ITPKA: variants seen among roughly 807,000 people sequenced by gnomAD.
The protein encoded by ITPKA is inositol-trisphosphate 3-kinase A.
In ITPKA, 16 loss-of-function variants were observed where a neutral mutation model predicts 40.7. That is an observed-to-expected ratio of 0.39 (90% CI 0.27 to 0.60). ITPKA has a LOEUF of 0.60. ITPKA is among the 20% of genes least tolerant of loss of function. The pLI, the probability that ITPKA is intolerant of heterozygous loss-of-function variation, is 0.50. For missense variants in ITPKA, 540 were observed against 649.3 expected, an observed-to-expected ratio of 0.83 and a Z score of 1.83; for synonymous variants, 313 against 289.9, an observed-to-expected ratio of 1.08 and a Z score of -0.81.
In ITPKA at chr15:41,503,136, T is replaced by G. The variant is rs771734285; in HGVS notation, c.1356T>G (p.Ile452Met). The G allele has an allele frequency of 6.3e-7, 1 of 1,592,668 alleles. No individual in the cohort carries two copies. The highest frequency in any genetic ancestry group is 1.1e-5 in the South Asian group (1 of 90,332). ...DGYLLGLDNL[I>M]GILASLAER is the part of the protein sequence containing the mutation. ...ATTTGCTGGGGCTGGACAATCTCAT[T>G]GGCATCCTGGCCAGCCTGGCTGAGA... Residue 452 changes from isoleucine to methionine, a missense_variant, in exon 7 of 7, where the codon ATT (isoleucine) becomes ATG (methionine). Coordinates refer to ENST00000260386, the MANE Select transcript of ITPKA (RefSeq NM_002220.3).
At chr15:41,495,078 G>A (rs1482903932) in intron 1 of ITPKA, among the ~76,000 whole-genome samples, 8 of 152,216 alleles carry the variant, frequency 5.3e-5, no homozygotes, top group Admixed American at 5.2e-4. Context: ...AACTGAGGCT[G>A]CAAGGGGGCA....
chr15:41,501,860 G>T lies in ITPKA; in HGVS notation c.803+9G>T, dbSNP rs1430967974. The T allele has an allele frequency of 1.9e-6, 3 of 1,611,482 alleles. No homozygotes were observed. The highest frequency in any genetic ancestry group is 2.5e-6 in the Non-Finnish European group (3 of 1,178,894). On this transcript the variant is annotated intron_variant, in intron 3 of 6. Coordinates refer to ENST00000260386, the MANE Select transcript of ITPKA (RefSeq NM_002220.3). The stretch of plus-strand genomic sequence containing the variant: ...TGCAAAATGGGCGTCAGGTATGCGT[G>T]CCCTGCCAGGTCGGTTGGGGGGATC...
At chr15:41,498,101 C>A (rs1276692707) in intron 1 of ITPKA, among the ~76,000 whole-genome samples, 1 of 151,700 alleles carries the variant, frequency 6.6e-6, no homozygotes, top group Non-Finnish European at 1.5e-5. Context: ...AGCAGTGAGC[C>A]GAGATCGCAC....
At chr15:41,501,353 C>T in intron 1 of ITPKA, 110 bp from the exon 2 acceptor site, 2 of 1,503,292 alleles carry the variant, frequency 1.3e-6, no homozygotes, top group Non-Finnish European at 1.8e-6. Context: ...CTCATCCAGC[C>T]CCAGCTGCTT....
At chr15:41,502,685 C>T (rs1595451073) in intron 5 of ITPKA, 103 bp from the exon 6 acceptor site, 3 of 1,165,178 alleles carry the variant, frequency 2.6e-6, no homozygotes, top group East Asian at 2.6e-5. Context: ...CTCCTCCTGG[C>T]GGCATTTGCC....
Position 41,493,962 on chromosome 15 carries a change from G to T in ITPKA, c.35G>T (p.Arg12Leu). 9.5e-7 allele frequency: 1 copy of T among 1,051,348 alleles called. No homozygotes were observed. The highest frequency in any genetic ancestry group is 4.4e-5 in the South Asian group (1 of 22,624). The allele number at this position is 1,051,348 out of a possible 1,614,324, so 65.1% of individuals were successfully genotyped here. Residue 12 changes from arginine (R) to leucine (L), a missense_variant, in exon 1 of 7, where the codon CGG (arginine) becomes CTG (leucine). Coordinates refer to ENST00000260386, the MANE Select transcript of ITPKA (RefSeq NM_002220.3). ...TLPGGPTGMA[R>L]PGGARPCSPG... ...CCCGGGGGCCCAACGGGCATGGCGC[G>T]GCCGGGGGGCGCGAGGCCCTGCAGC...
Position 41,503,115 on chromosome 15 carries a change from G to C in ITPKA, c.1335G>C (p.Leu445Phe). The C allele has an allele frequency of 6.2e-7, 1 of 1,604,006 alleles. No homozygotes were observed. Among genetic ancestry groups the C allele is most frequent in the Non-Finnish European group, 8.5e-7 (1 of 1,172,062 alleles). ...AGGGCAACCGCGAGGACGGCTATTTGCTGGGGCTGGACAATCTCATTGGCA... is the reference window on the plus strand; with the variant it reads ...AGGGCAACCGCGAGGACGGCTATTTCCTGGGGCTGGACAATCTCATTGGCA... Reference protein sequence around the residue: ...WEEGNREDGYLLGLDNLIGIL... With the variant: ...WEEGNREDGYFLGLDNLIGIL... The change falls in exon 7 of 7, where the codon TTG becomes TTC. Residue 445 changes from leucine (L) to phenylalanine (F), a missense_variant. Coordinates refer to ENST00000260386, the MANE Select transcript of ITPKA (RefSeq NM_002220.3).
At chr15:41,502,370 C>T (rs746314214) in intron 4 of ITPKA, 32 bp from the exon 5 acceptor site, 7 of 1,511,928 alleles carry the variant, frequency 4.6e-6, no homozygotes, top group Non-Finnish European at 5.5e-6. Flanking sequence ...CTGGCGGGCC[C>T]GGGGCCCCTG....
chr15:41,502,668 C>A, intron 5 of ITPKA, 120 bp from the exon 6 acceptor site: 1 of 1,073,514 alleles, frequency 9.3e-7, no homozygotes, highest in Non-Finnish European at 1.3e-6. Context: ...GGGCGGGGCC[C>A]TGGGTCCTCC....
At chr15:41,502,671 G>C in intron 5 of ITPKA, 117 bp from the exon 6 acceptor site, 1 of 1,080,640 alleles carries the variant, frequency 9.3e-7, no homozygotes, top group Non-Finnish European at 1.3e-6. Flanking sequence ...CGGGGCCCTG[G>C]GTCCTCCTCC....
In ITPKA at chr15:41,493,886, G is replaced by A; in HGVS notation, c.-42G>A. The A allele has an allele frequency of 7.0e-6, 7 of 996,834 alleles. No homozygotes were observed. Among genetic ancestry groups the A allele is most frequent in the Non-Finnish European group, 8.3e-6 (7 of 838,952 alleles). 61.7% of individuals were successfully genotyped at this position (996,834 alleles called of 1,614,324 possible). On this transcript the variant is annotated 5_prime_UTR_variant, in exon 1 of 7. Transcript: ENST00000260386. ...GCCGAGCCGCTCCAGTCCCCGGCGC[G>A]CCGCGGGCTGGTGGGCTCAGCGGCG...
At chr15:41,497,968 A>C (rs765007005) in intron 1 of ITPKA, among the ~76,000 whole-genome samples, 1 of 152,142 alleles carries the variant, frequency 6.6e-6, no homozygotes, top group African/African-American at 2.4e-5. Context: ...CCTGGCCAAC[A>C]TGATGAAACC....
chr15:41,495,814 G>C (rs904852847), intron 1 of ITPKA, among the ~76,000 whole-genome samples: 1 of 152,230 alleles, frequency 6.6e-6, no homozygotes, highest in Non-Finnish European at 1.5e-5. Context: ...CGGTGCAGGC[G>C]AAAGGGCGCG....
intron 1 of ITPKA, among the ~76,000 whole-genome samples, chr15:41,500,897 T>C (rs1343774480): frequency 6.6e-6 from 1 of 150,450 alleles, no homozygotes; most frequent in African/African-American, 2.5e-5. Flanking sequence ...TAGTCTCAGC[T>C]ACTCGGGAGG....
intron 1 of ITPKA, among the ~76,000 whole-genome samples, chr15:41,497,713 A>G (rs2051084020): frequency 6.6e-6 from 1 of 152,102 alleles, no homozygotes; most frequent in Non-Finnish European, 1.5e-5. Context: ...CTCAGATGAG[A>G]TAATAGGTAT....
chr15:41,498,500 C>G (rs1487593195), intron 1 of ITPKA, among the ~76,000 whole-genome samples: 1 of 152,040 alleles, frequency 6.6e-6, no homozygotes, highest in East Asian at 1.9e-4. Flanking sequence ...CACATCAAAT[C>G]CTCTTCTGCC....
At chr15:41,495,031 G>A (rs1037048075) in intron 1 of ITPKA, among the ~76,000 whole-genome samples, 1 of 152,222 alleles carries the variant, frequency 6.6e-6, no homozygotes, top group Admixed American at 6.5e-5. Context: ...CCATCTTCCC[G>A]GCTCGCCGCT....
In ITPKA at chr15:41,503,308, A is replaced by C; in HGVS notation, c.*142A>C. ...CTGCAGGACCAGGTGCCAGCCACTA[A>C]GGGGGGGCACCGCCGATGCCAGGGG... is the stretch of plus-strand genomic sequence containing the variant. On this transcript the variant is annotated 3_prime_UTR_variant, in exon 7 of 7. Transcript: ENST00000260386. 1 of 664,868 alleles carries C rather than the reference A, an allele frequency of 1.5e-6. No individual in the cohort carries two copies. The highest frequency in any genetic ancestry group is 2.5e-6 in the Non-Finnish European group (1 of 395,046). The allele number at this position is 664,868 out of a possible 1,614,324, so 41.2% of individuals were successfully genotyped here.
rs1200346191 is a variant in ITPKA at position 41,499,466 on chromosome 15, CTTGG to C, written c.490-1992_490-1989del. 3.3e-5 allele frequency among the ~76,000 whole-genome samples: 5 copies of C among 152,202 alleles called. No homozygotes were observed. The East Asian group carries it at 9.6e-4, about 29-fold the overall frequency. ...AAACAGGCCCACACAGATGGCAGTA[CTTGG>C]TTGGGTTCACTCAGCTGGAAGGTGA... On this transcript the variant is annotated intron_variant, in intron 1 of 6. Coordinates refer to ENST00000260386, the MANE Select transcript of ITPKA (RefSeq NM_002220.3).
Sources: allele counts gnomAD v4.1 joint callset (sites outside exome capture counted in the v4.1 genomes callset), GRCh38; gene constraint gnomAD v4.1.1; transcripts MANE v1.5; gene names NCBI Gene and HGNC (gene_info 2026-07-23, HGNC 2026-07-21).